The following DNAAF9 variants were observed in gnomAD, a reference collection of about 807,000 sequenced individuals.
The protein encoded by DNAAF9 is dynein axonemal assembly factor 9, also known as shulin.
DNAAF9 carries 90 observed loss-of-function variants against 167.0 expected under a neutral mutation model. That is an observed-to-expected ratio of 0.54 (90% CI 0.45 to 0.64). The LOEUF is 0.64. DNAAF9 is among the 30% of genes least tolerant of loss of function. The probability of loss-of-function intolerance (pLI) is 0.00; values close to 1 mark genes in which losing one functional copy is unlikely to be tolerated. For missense variants in DNAAF9, 1,315 were observed against 1,442.2 expected, an observed-to-expected ratio of 0.91 and a Z score of 1.43; for synonymous variants, 491 against 508.8, an observed-to-expected ratio of 0.96 and a Z score of 0.47.
intron 1 of DNAAF9, among the ~76,000 whole-genome samples, chr20:3,382,871 T>C (rs1202558986): frequency 6.6e-6 from 1 of 152,172 alleles, no homozygotes; most frequent in Non-Finnish European, 1.5e-5. Context: ...ATTTTTCAAA[T>C]AAGAGTTTCC....
chr20:3,294,661 C>T (rs1172306608), intron 23 of DNAAF9, 32 bp from the exon 24 acceptor site: 2 of 1,402,056 alleles, frequency 1.4e-6, no homozygotes, highest in Non-Finnish European at 2.0e-6. Context: ...GATTAGAAGT[C>T]CATCTTCCTT....
At chr20:3,372,848 G>A (rs1276169909) in intron 6 of DNAAF9, among the ~76,000 whole-genome samples, 1 of 152,144 alleles carries the variant, frequency 6.6e-6, no homozygotes, top group African/African-American at 2.4e-5. Context: ...CACATAAAGT[G>A]CTTAGAAAAG....
chr20:3,338,669 T>G (rs1287415668), intron 10 of DNAAF9, among the ~76,000 whole-genome samples: 4 of 139,062 alleles, frequency 2.9e-5, no homozygotes, highest in Non-Finnish European at 6.3e-5. Context: ...TTTTTTTTTC[T>G]GAGACGGAGT....
intron 1 of DNAAF9, among the ~76,000 whole-genome samples, chr20:3,401,377 A>AT (rs2083981455): frequency 6.6e-6 from 1 of 151,854 alleles, no homozygotes; most frequent in East Asian, 1.9e-4. Flanking sequence ...AATTTTTGTT[A>AT]TTTTTAGTAG....
chr20:3,342,212 T>C (rs2123115535), intron 9 of DNAAF9, among the ~76,000 whole-genome samples: 1 of 152,290 alleles, frequency 6.6e-6, no homozygotes. Context: ...TTCTCTGATG[T>C]CCCTTATGTT....
chr20:3,253,484 CAG>C (rs1185630276), intron 36 of DNAAF9, among the ~76,000 whole-genome samples: 2 of 152,098 alleles, frequency 1.3e-5, no homozygotes, highest in African/African-American at 4.8e-5. Flanking sequence ...AACTATAACC[CAG>C]AGTCACATTA....
rs1232009792 is a variant in DNAAF9, at chr20:3,322,352, C to A, written c.1311-90G>T. On this transcript the variant is annotated intron_variant, in intron 15 of 36. Transcript: ENST00000252032. ...TTTGCTTTTTTCAACTTGGCAATGACAAGTCATAGATTCGGATTGCTCTTA... is the reference window on the plus strand; with the variant it reads ...TTTGCTTTTTTCAACTTGGCAATGAAAAGTCATAGATTCGGATTGCTCTTA... 7 of 1,029,584 alleles carry A rather than the reference C, an allele frequency of 6.8e-6. No individual in the cohort carries two copies. In the Admixed American group the frequency reaches 9.5e-5, roughly 14 times the overall value. The allele number at this position is 1,029,584 out of a possible 1,614,324, so 63.8% of individuals were successfully genotyped here. A position where few individuals can be genotyped will look rare whatever the true frequency, so the allele number is the denominator to read the frequency against.
intron 20 of DNAAF9, among the ~76,000 whole-genome samples, chr20:3,306,398 C>T (rs946515276): frequency 6.6e-6 from 1 of 152,188 alleles, no homozygotes; most frequent in Non-Finnish European, 1.5e-5. Flanking sequence ...AACCTTTAAT[C>T]TTTGTTCTGT....
At chr20:3,272,292 G>C (rs1175622462) in intron 29 of DNAAF9, among the ~76,000 whole-genome samples, 3 of 151,998 alleles carry the variant, frequency 2.0e-5, no homozygotes, top group Admixed American at 2.0e-4. Context: ...TATATATTCA[G>C]TGGCTCACTG....
Position 3,338,614 on chromosome 20 carries a change from A to G in DNAAF9, c.981+1890T>C, listed in dbSNP as rs78594130. 5.0e-3 allele frequency among the ~76,000 whole-genome samples: 704 copies of G among 141,372 alleles called. 2 individuals carry two copies. Among genetic ancestry groups the G allele is most frequent in the Non-Finnish European group, 8.2e-3 (537 of 65,214 alleles). 92.7% of individuals were successfully genotyped at this position (141,372 alleles called of 152,430 possible). On this transcript the variant is annotated intron_variant, in intron 10 of 36. Coordinates refer to ENST00000252032, the MANE Select transcript of DNAAF9 (RefSeq NM_001009984.3). ...CAGGTATTCCCAGTACATGCACATTATACCTTTTGAAATTGTCCCAGGGTT... is the reference window on the plus strand; with the variant it reads ...CAGGTATTCCCAGTACATGCACATTGTACCTTTTGAAATTGTCCCAGGGTT...
At chr20:3,374,925 G>A (rs1173261137) in intron 5 of DNAAF9, 105 bp downstream of exon 5, 5 of 660,156 alleles carry the variant, frequency 7.6e-6, no homozygotes, top group Admixed American at 2.4e-5. Context: ...AAAAATAGAC[G>A]AAGGGGTTTC....
intron 1 of DNAAF9, among the ~76,000 whole-genome samples, chr20:3,396,212 T>C (rs1471356966): frequency 6.6e-6 from 1 of 152,270 alleles, no homozygotes; most frequent in Non-Finnish European, 1.5e-5. Flanking sequence ...AACAGACTAA[T>C]ACAGAGTCCG....
At chr20:3,403,730 C>A (rs2123315295) in intron 1 of DNAAF9, among the ~76,000 whole-genome samples, 1 of 152,210 alleles carries the variant, frequency 6.6e-6, no homozygotes, top group African/African-American at 2.4e-5. Context: ...TTACTCTACT[C>A]TCCTTATAAC....
chr20:3,262,190 C>T (rs936815895), intron 31 of DNAAF9, among the ~76,000 whole-genome samples: 25 of 151,878 alleles, frequency 1.6e-4, no homozygotes, highest in African/African-American at 5.6e-4. Flanking sequence ...TTTTGGGGTC[C>T]CTCCATCTCT....
chr20:3,346,762 C>T (rs551406472), intron 8 of DNAAF9, among the ~76,000 whole-genome samples: 4 of 152,100 alleles, frequency 2.6e-5, no homozygotes, highest in Admixed American at 6.5e-5. Context: ...TAACAGGAAA[C>T]GACAGTGACA....
chr20:3,393,725 C>T (rs2040949340), intron 1 of DNAAF9, among the ~76,000 whole-genome samples: 5 of 152,262 alleles, frequency 3.3e-5, no homozygotes, highest in Admixed American at 3.3e-4. Flanking sequence ...AGTAGCACTG[C>T]CAGGTTAAGA....
chr20:3,387,821 T>G (rs2083766983), intron 1 of DNAAF9, among the ~76,000 whole-genome samples: 1 of 144,582 alleles, frequency 6.9e-6, no homozygotes, highest in Non-Finnish European at 1.5e-5. Flanking sequence ...GTGGGGGATC[T>G]CTTGAGCCCA....
Position 3,294,519 on chromosome 20 carries a change from A to C in DNAAF9, c.2120+9T>G. 6.4e-7 allele frequency: 1 copy of C among 1,571,678 alleles called. No individual in the cohort carries two copies. The highest frequency in any genetic ancestry group is 8.8e-7 in the Non-Finnish European group (1 of 1,141,480). ...ATATTAAACATCTATAAACAGAACC[A>C]GAGCTTACCAGTCCAGCTCTGGGAG... On this transcript the variant is annotated intron_variant, in intron 24 of 36. Transcript: ENST00000252032.
At position 3,270,472 on chromosome 20, in the gene DNAAF9, T is replaced by C. The variant is rs750188084; in HGVS notation, c.2741A>G (p.Asn914Ser). ...VQLQSLIRAA[N>S]PAAAFILAEN... ...TGCAAGAATGAAGGCTGCAGCAGGA[T>C]TGGCAGCCCTGATGAGGCTCTGCAG... Residue 914 changes from asparagine (N) to serine (S), a missense_variant, in exon 30 of 37, where the codon AAT (asparagine) becomes AGT (serine). Asn to Ser is a conservative substitution (Grantham distance 46). This residue lies in a region of DNAAF9 where 334 missense variants were observed against 429.7 expected (regional missense o/e 0.78). Coordinates refer to ENST00000252032, the MANE Select transcript of DNAAF9 (RefSeq NM_001009984.3). 48 of 1,613,072 alleles carry C rather than the reference T, an allele frequency of 3.0e-5. No individual in the cohort carries two copies. Among genetic ancestry groups the C allele is most frequent in the South Asian group, 1.1e-4 (10 of 91,070 alleles).
Sources: gnomAD v4.1 joint callset for allele counts (sites outside exome capture counted in the v4.1 genomes callset) on GRCh38, gnomAD v4.1.1 for gene constraint, gnomAD v4.1.1 regional missense constraint, MANE v1.5 for transcripts, NCBI Gene and HGNC (gene_info 2026-07-23, HGNC 2026-07-21) for gene names.